The following DMD variants were observed in gnomAD, a reference collection of about 807,000 sequenced individuals.
DMD encodes dystrophin, also known as mutant dystrophin.
A neutral mutation model predicts 330.1 loss-of-function variants in DMD; 63 were observed. That is an observed-to-expected ratio of 0.19 (90% CI 0.16 to 0.24). The LOEUF (loss-of-function observed/expected upper bound fraction) is 0.24, where lower values mean the gene tolerates loss of function less well. Ranked by LOEUF, DMD falls within the 10% of genes least tolerant of loss-of-function variation. The pLI is 1.00. For synonymous variants in DMD, 1,223 were observed against 959.8 expected, an observed-to-expected ratio of 1.27 and a Z score of -5.07; for missense variants, 3,344 against 2,684.1, an observed-to-expected ratio of 1.25 and a Z score of -5.43.
intron 45 of DMD, among the ~76,000 whole-genome samples, chrX:31,952,008 G>C (rs2095187503): frequency 9.0e-6 from 1 of 111,058 alleles, no homozygotes; most frequent in South Asian, 3.7e-4. Flanking sequence ...TGTTCTCTGA[G>C]AACTCTGAAT....
intron 77 of DMD, among the ~76,000 whole-genome samples, chrX:31,128,461 AT>A (rs2147697365): frequency 8.9e-6 from 1 of 112,197 alleles, no homozygotes; most frequent in Admixed American, 9.4e-5. Context: ...TTGTTTCGGC[AT>A]GTAACTTTGG....
intron 1 of DMD, among the ~76,000 whole-genome samples, chrX:33,305,045 G>GA (rs1186124326): frequency 5.5e-5 from 6 of 109,909 alleles, no homozygotes; most frequent in Non-Finnish European, 9.5e-5. Context: ...AATACCATTT[G>GA]ACACAGCCAT....
intron 55 of DMD, among the ~76,000 whole-genome samples, chrX:31,516,495 C>A (rs1256826315): frequency 1.8e-5 from 2 of 111,238 alleles, no homozygotes; most frequent in Non-Finnish European, 3.8e-5. Flanking sequence ...CACGCAACAC[C>A]TTTAAAAGCA....
At chrX:32,237,607 T>C (rs1224830171) in intron 43 of DMD, among the ~76,000 whole-genome samples, 2 of 111,828 alleles carry the variant, frequency 1.8e-5, no homozygotes, top group Non-Finnish European at 3.8e-5. Flanking sequence ...TATAATCCCC[T>C]GTCCCCTCAG....
intron 44 of DMD, among the ~76,000 whole-genome samples, chrX:32,010,965 G>T (rs1020030682): frequency 1.7e-4 from 19 of 111,922 alleles, no homozygotes; most frequent in Admixed American, 1.4e-3. Flanking sequence ...ATTCAGGAAG[G>T]CTAAGTGTGT....
At chrX:32,581,137 T>A (rs185048170) in intron 13 of DMD, among the ~76,000 whole-genome samples, 1 of 112,462 alleles carries the variant, frequency 8.9e-6, no homozygotes, top group East Asian at 2.8e-4. Context: ...CCAAAAGGTA[T>A]CTTATTTGAA....
intron 52 of DMD, among the ~76,000 whole-genome samples, chrX:31,719,408 C>G (rs977838176): frequency 8.9e-6 from 1 of 112,212 alleles, no homozygotes; most frequent in South Asian, 3.7e-4. Flanking sequence ...TCATAACCAA[C>G]TATTAGCTTC....
At chrX:31,695,951 A>C (rs1217084011) in intron 52 of DMD, among the ~76,000 whole-genome samples, 2 of 111,650 alleles carry the variant, frequency 1.8e-5, no homozygotes, top group Non-Finnish European at 3.8e-5. Flanking sequence ...AAAAATGAGA[A>C]GTATTTGAGG....
At chrX:33,061,320 T>C (rs894785977) in intron 1 of DMD, among the ~76,000 whole-genome samples, 3 of 112,429 alleles carry the variant, frequency 2.7e-5, no homozygotes, top group Admixed American at 9.5e-5. Context: ...AAATTGGATA[T>C]ATCTTTTAGC....
In DMD at chrX:31,510,463, G is replaced by A. The variant is rs141744976; in HGVS notation, c.8218-3010C>T. Among the ~76,000 whole-genome samples, 577 of 107,721 alleles carry A rather than the reference G, an allele frequency of 5.4e-3. 4 individuals are homozygous for A. Among genetic ancestry groups the A allele is most frequent in the African/African-American group, 0.017 (511 of 29,354 alleles). 93.5% of individuals were successfully genotyped at this position (107,721 alleles called of 115,157 possible). On this transcript the variant is annotated intron_variant, in intron 55 of 78. Coordinates refer to ENST00000357033, the MANE Select transcript of DMD (RefSeq NM_004006.3). ...TGAGTTTGATAAAATGTTTACCCAC[G>A]TGGATTGATTTGTTCTGAATGAAAA... is the stretch of plus-strand genomic sequence containing the variant.
intron 2 of DMD, among the ~76,000 whole-genome samples, chrX:32,865,281 G>A (rs909091461): frequency 1.7e-4 from 19 of 111,272 alleles, no homozygotes; most frequent in East Asian, 1.1e-3. Context: ...ACATTTAAGC[G>A]AATATAATTA....
At chrX:32,787,434 G>A (rs1476582891) in intron 7 of DMD, among the ~76,000 whole-genome samples, 1 of 110,450 alleles carries the variant, frequency 9.1e-6, no homozygotes, top group Non-Finnish European at 1.9e-5. Context: ...TGAGTGGGAA[G>A]GTCACAGGAA....
chrX:32,617,000 TG>T (rs1260857729), intron 11 of DMD, among the ~76,000 whole-genome samples: 1 of 110,310 alleles, frequency 9.1e-6, no homozygotes, highest in African/African-American at 3.3e-5. Context: ...AACTCAAAAA[TG>T]ATTTCTTTAA....
At chrX:31,727,496 A>T (rs911087240) in intron 52 of DMD, among the ~76,000 whole-genome samples, 1 of 111,995 alleles carries the variant, frequency 8.9e-6, no homozygotes, top group Non-Finnish European at 1.9e-5. Context: ...ATTAACACAC[A>T]CCATTTCCAG....
intron 2 of DMD, among the ~76,000 whole-genome samples, chrX:32,969,622 TTCATACAA>T (rs1197791308): frequency 3.2e-5 from 3 of 94,613 alleles, no homozygotes; most frequent in Admixed American, 3.1e-4. Flanking sequence ...TTATAGTGTT[TTCATACAA>T]ATAGAACAAT....
At chrX:32,372,240 G>T (rs1349879811) in intron 34 of DMD, among the ~76,000 whole-genome samples, 1 of 111,723 alleles carries the variant, frequency 9.0e-6, no homozygotes, top group Non-Finnish European at 1.9e-5. Flanking sequence ...TGCAAGTTAC[G>T]TTTAAACAGA....
At chrX:32,503,637 C>G (rs746475489) in intron 18 of DMD, among the ~76,000 whole-genome samples, 7 of 111,111 alleles carry the variant, frequency 6.3e-5, no homozygotes, top group Non-Finnish European at 1.3e-4. Flanking sequence ...CTCACTGCAA[C>G]CTCTGCCTCC....
chrX:33,031,380 C>G (rs2147850584), intron 1 of DMD, among the ~76,000 whole-genome samples: 1 of 110,687 alleles, frequency 9.0e-6, no homozygotes, highest in Admixed American at 9.6e-5. Flanking sequence ...GATATGTAAT[C>G]CAGAATGGCC....
Position 32,614,395 on chromosome X carries a change from G to A in DMD, c.1390C>T (p.Leu464=), listed in dbSNP as rs2057403088. The change falls in exon 12 of 79, where the codon CTA becomes TTA. Residue 464 remains leucine (L), a synonymous_variant. Coordinates refer to ENST00000357033, the MANE Select transcript of DMD (RefSeq NM_004006.3). ...NQKLKELNDW[L]TKTEERTRKM... is the part of the protein sequence containing the mutation. ...CTTGTTCTTTCTTCTGTTTTTGTTAGCCAGTCATTCAACTCTTTCAGTTTC... is the reference window on the plus strand; with the variant it reads ...CTTGTTCTTTCTTCTGTTTTTGTTAACCAGTCATTCAACTCTTTCAGTTTC... The A allele has an allele frequency of 3.3e-6, 4 of 1,204,689 alleles. No individual in the cohort carries two copies. Among genetic ancestry groups the A allele is most frequent in the African/African-American group, 3.5e-5 (2 of 56,682 alleles).
Sources: allele counts gnomAD v4.1 joint callset (sites outside exome capture counted in the v4.1 genomes callset), GRCh38; gene constraint gnomAD v4.1.1; transcripts MANE v1.5; gene names NCBI Gene and HGNC (gene_info 2026-07-23, HGNC 2026-07-21).